The following CDK14 variants were observed in gnomAD, a reference collection of about 807,000 sequenced individuals.
CDK14 encodes cyclin dependent kinase 14.
Under a neutral mutation model 60.7 loss-of-function variants are expected in CDK14, and 34 were observed. The observed-to-expected ratio is 0.56, with a 90% CI of 0.43 to 0.75. CDK14 has a LOEUF of 0.75. Ranked by LOEUF, CDK14 falls within the 30% of genes least tolerant of loss-of-function variation. The pLI, the probability that CDK14 is intolerant of heterozygous loss-of-function variation, is 0.00. For synonymous variants in CDK14, 197 were observed against 203.7 expected (o/e 0.97, Z 0.28); for missense variants, 482 against 564.1 (o/e 0.85, Z 1.47).
intron 2 of CDK14, among the ~76,000 whole-genome samples, chr7:90,718,835 T>C (rs1802342960): frequency 6.6e-6 from 1 of 152,162 alleles, no homozygotes; most frequent in Non-Finnish European, 1.5e-5. Context: ...AAGGCAGTTA[T>C]CATTGGTTAT....
chr7:90,840,073 G>C lies in CDK14; in HGVS notation c.545-23102G>C, dbSNP rs548672678. Among the ~76,000 whole-genome samples, 6 of 152,258 alleles carry C rather than the reference G, an allele frequency of 3.9e-5. No individual in the cohort carries two copies. In the East Asian group the frequency reaches 1.2e-3, roughly 29 times the overall value. On this transcript the variant is annotated intron_variant, in intron 5 of 14. Transcript: ENST00000380050. ...TGGAAATTACTTGCTTCAGATGACA[G>C]GCTACATCTATTTTCCTTCTAAGAG...
At chr7:90,930,850 T>C (rs1002426768) in intron 8 of CDK14, among the ~76,000 whole-genome samples, 10 of 152,164 alleles carry the variant, frequency 6.6e-5, no homozygotes, top group African/African-American at 2.4e-4. Flanking sequence ...GAGCATTGAT[T>C]TGTGCTTGTA....
intron 2 of CDK14, among the ~76,000 whole-genome samples, chr7:90,649,899 A>T (rs1250873989): frequency 6.6e-6 from 1 of 152,184 alleles, no homozygotes; most frequent in Non-Finnish European, 1.5e-5. Flanking sequence ...TGCTATTGTG[A>T]ATAGTGGTGC....
chr7:90,624,014 A>C (rs188968251), intron 2 of CDK14, among the ~76,000 whole-genome samples: 2 of 152,346 alleles, frequency 1.3e-5, no homozygotes, highest in East Asian at 3.9e-4. Flanking sequence ...GTAGGGCTTC[A>C]TAGTTTACAA....
intron 10 of CDK14, among the ~76,000 whole-genome samples, chr7:90,996,895 A>G (rs1449866483): frequency 6.6e-6 from 1 of 152,204 alleles, no homozygotes; most frequent in Non-Finnish European, 1.5e-5. Context: ...AAATGTCAGT[A>G]TTGTCATATT....
At chr7:91,202,378 A>G (rs1311372697) in intron 14 of CDK14, among the ~76,000 whole-genome samples, 1 of 152,218 alleles carries the variant, frequency 6.6e-6, no homozygotes, top group Non-Finnish European at 1.5e-5. Flanking sequence ...GGCATCCACT[A>G]ATCTTATGAT....
intron 14 of CDK14, among the ~76,000 whole-genome samples, chr7:91,141,403 T>A (rs1800453237): frequency 6.6e-6 from 1 of 152,178 alleles, no homozygotes; most frequent in East Asian, 1.9e-4. Context: ...AGGCCAAGTC[T>A]GGTGGTATAA....
chr7:91,036,107 T>G (rs1271078070), intron 10 of CDK14, among the ~76,000 whole-genome samples: 1 of 152,150 alleles, frequency 6.6e-6, no homozygotes. Context: ...CCTCCCAAAG[T>G]GCTGGGATTA....
At chr7:91,034,669 C>T (rs1209080785) in intron 10 of CDK14, among the ~76,000 whole-genome samples, 4 of 152,138 alleles carry the variant, frequency 2.6e-5, no homozygotes, top group Admixed American at 6.5e-5. Context: ...CAGTGGCTCC[C>T]CCTGCTGTCT....
At chr7:91,178,463 G>C (rs1247460570) in intron 14 of CDK14, among the ~76,000 whole-genome samples, 2 of 141,492 alleles carry the variant, frequency 1.4e-5, no homozygotes, top group Non-Finnish European at 3.1e-5. Context: ...TGACAAATGG[G>C]ATCTAATTAA....
At chr7:90,880,715 C>A (rs1791719749) in intron 6 of CDK14, among the ~76,000 whole-genome samples, 1 of 152,072 alleles carries the variant, frequency 6.6e-6, no homozygotes, top group South Asian at 2.1e-4. Flanking sequence ...ACAGAGGTCC[C>A]AGCAGAAGAA....
intron 9 of CDK14, among the ~76,000 whole-genome samples, chr7:90,962,964 C>T (rs1181931189): frequency 6.6e-6 from 1 of 152,104 alleles, no homozygotes; most frequent in African/African-American, 2.4e-5. Context: ...TATTGGGGTA[C>T]AGCATCCAAG....
intron 12 of CDK14, among the ~76,000 whole-genome samples, chr7:91,080,248 C>G (rs1337387676): frequency 7.6e-5 from 4 of 52,378 alleles, no homozygotes; most frequent in African/African-American, 4.7e-4. Flanking sequence ...CATTTTTTCA[C>G]TGTTATCACG....
chr7:91,088,896 A>AT (rs1043568101), intron 12 of CDK14, among the ~76,000 whole-genome samples: 2 of 151,824 alleles, frequency 1.3e-5, no homozygotes, highest in Non-Finnish European at 2.9e-5. Context: ...GTCCAGCTAA[A>AT]TCCTTTAGTG....
At chr7:90,762,281 A>T (rs955463714) in intron 4 of CDK14, among the ~76,000 whole-genome samples, 4 of 152,152 alleles carry the variant, frequency 2.6e-5, no homozygotes, top group African/African-American at 9.7e-5. Context: ...TTTTTGAGGT[A>T]TGGTAGGACT....
At chr7:90,742,980 C>G (rs185345727) in intron 3 of CDK14, among the ~76,000 whole-genome samples, 4 of 152,140 alleles carry the variant, frequency 2.6e-5, no homozygotes, top group Non-Finnish European at 1.5e-5. Context: ...AAACATTAAA[C>G]TCACTTATGT....
rs143530127 is a variant in CDK14 at position 90,822,634 on chromosome 7, T to C, written c.544+31982T>C. Among the ~76,000 whole-genome samples the C allele has an allele frequency of 4.6e-5, 7 of 152,294 alleles. No individual in the cohort carries two copies. In the East Asian group the frequency reaches 1.4e-3, roughly 29 times the overall value. ...CTGGACATTAGCACCATGCTCTGAC[T>C]CTTCCTGGCCAACTCTCCCCTTCAA... is the stretch of plus-strand genomic sequence containing the variant. On this transcript the variant is annotated intron_variant, in intron 5 of 14. Transcript: ENST00000380050.
chr7:91,079,254 T>C (rs1442177477), intron 11 of CDK14, among the ~76,000 whole-genome samples, 178 bp from the exon 12 acceptor site: 1 of 152,206 alleles, frequency 6.6e-6, no homozygotes. Flanking sequence ...CCGTTTAATA[T>C]GTTGTTATCT....
chr7:91,180,456 T>C (rs554748758), intron 14 of CDK14, among the ~76,000 whole-genome samples: 33 of 151,764 alleles, frequency 2.2e-4, no homozygotes, highest in Non-Finnish European at 2.6e-4. Flanking sequence ...GCCCCATCTC[T>C]GTAACGCAAG....
Sources: gnomAD v4.1 joint callset for allele counts (sites outside exome capture counted in the v4.1 genomes callset) on GRCh38, gnomAD v4.1.1 for gene constraint, MANE v1.5 for transcripts, NCBI Gene and HGNC (gene_info 2026-07-23, HGNC 2026-07-21) for gene names.